Variants in PDCD11 observed in about 807,000 individuals in gnomAD.
PDCD11 encodes protein RRP5 homolog.
In PDCD11, 97 loss-of-function variants were observed where a neutral mutation model predicts 198.9. The observed-to-expected ratio is 0.49, with a 90% CI of 0.41 to 0.58. The LOEUF is 0.58. Ranked by LOEUF, PDCD11 falls within the 20% of genes least tolerant of loss-of-function variation. The pLI is 0.00. For missense variants in PDCD11, 2,102 were observed against 2,312.7 expected (o/e 0.91, Z 1.87); for synonymous variants, 893 against 918.0 (o/e 0.97, Z 0.49).
intron 3 of PDCD11, among the ~76,000 whole-genome samples, chr10:103,401,372 A>G (rs757629007): frequency 2.6e-5 from 4 of 151,036 alleles, no homozygotes; most frequent in Non-Finnish European, 5.9e-5. Flanking sequence ...TCCCGGGTTC[A>G]AGCGATTCTC....
At chr10:103,417,560 T>C (rs534775433) in intron 13 of PDCD11, among the ~76,000 whole-genome samples, 1 of 152,356 alleles carries the variant, frequency 6.6e-6, no homozygotes, top group East Asian at 1.9e-4. Flanking sequence ...AGAAAAATAA[T>C]TTTTAAGACT....
intron 21 of PDCD11, among the ~76,000 whole-genome samples, chr10:103,428,314 A>C (rs2031786564): frequency 6.6e-6 from 1 of 151,778 alleles, no homozygotes; most frequent in African/African-American, 2.4e-5. Flanking sequence ...CAAAAGAAAA[A>C]AAAAAAACAC....
At chr10:103,431,762 C>T (rs778393322) in intron 21 of PDCD11, among the ~76,000 whole-genome samples, 1 of 152,102 alleles carries the variant, frequency 6.6e-6, no homozygotes, top group African/African-American at 2.4e-5. Flanking sequence ...TAATATCTCC[C>T]CTGCTGAACT....
intron 7 of PDCD11, among the ~76,000 whole-genome samples, chr10:103,409,390 A>G (rs1158428303): frequency 6.6e-6 from 1 of 151,372 alleles, no homozygotes; most frequent in Non-Finnish European, 1.5e-5. Flanking sequence ...TCCAGTTGTC[A>G]GGCTGGCAGT....
chr10:103,439,884 TTC>T lies in PDCD11; in HGVS notation c.4148+28_4148+29del, dbSNP rs374419650. On this transcript the variant is annotated intron_variant, in intron 28 of 35. Transcript: ENST00000369797. Reference sequence around the variant, plus strand: ...GGGTCCTACGGTAGGTGCCTTCCCGTTCTCTCTCTCTCTGTAATGTGAATCAA... The same window carrying T: ...GGGTCCTACGGTAGGTGCCTTCCCGTTCTCTCTCTCTGTAATGTGAATCAA... 3.9e-4 allele frequency: 624 copies of T among 1,597,486 alleles called. 1 individual carries two copies. Among genetic ancestry groups the T allele is most frequent in the Admixed American group, 4.4e-4 (26 of 59,578 alleles).
intron 2 of PDCD11, 140 bp from the exon 3 acceptor site, chr10:103,400,253 TAAAG>T (rs2029932784): frequency 4.6e-6 from 1 of 219,026 alleles, no homozygotes; most frequent in Non-Finnish European, 8.2e-6. Context: ...AAGCAAGAAT[TAAAG>T]GAACAATTGG....
chr10:103,410,150 G>A (rs914489877), intron 8 of PDCD11, among the ~76,000 whole-genome samples: 1 of 151,882 alleles, frequency 6.6e-6, no homozygotes, highest in Non-Finnish European at 1.5e-5. Context: ...CAGGAGAATC[G>A]CTTGAACCCG....
intron 17 of PDCD11, among the ~76,000 whole-genome samples, chr10:103,422,055 T>A (rs1222505307): frequency 7.8e-6 from 1 of 127,478 alleles, no homozygotes; most frequent in Non-Finnish European, 1.6e-5. Flanking sequence ...AGTGCACAAT[T>A]TTATTATTAT....
chr10:103,429,615 A>T (rs1223370580), intron 21 of PDCD11, among the ~76,000 whole-genome samples: 1 of 151,974 alleles, frequency 6.6e-6, no homozygotes. Context: ...GTAATTTTTT[A>T]CAGTAAAAAA....
At chr10:103,400,657 G>A (rs369537801) in intron 3 of PDCD11, 129 bp downstream of exon 3, 35 of 903,252 alleles carry the variant, frequency 3.9e-5, no homozygotes, top group Admixed American at 2.0e-4. Flanking sequence ...TATTTCATGC[G>A]TGTGTGTGTA....
chr10:103,396,961 C>T (rs1477387602), intron 1 of PDCD11, among the ~76,000 whole-genome samples: 1 of 152,160 alleles, frequency 6.6e-6, no homozygotes, highest in Non-Finnish European at 1.5e-5. Flanking sequence ...CTCAGTTTCC[C>T]CTTGCTTGAA....
chr10:103,444,990 C>T lies in PDCD11; in HGVS notation c.5444+308C>T, dbSNP rs747299655. ...GGCATTCTCTTGCTTTTGACCCCAGCGTCTCCACAAGACAGGGAGGGTTTA... is the reference window on the plus strand; with the variant it reads ...GGCATTCTCTTGCTTTTGACCCCAGTGTCTCCACAAGACAGGGAGGGTTTA... On this transcript the variant is annotated intron_variant, in intron 35 of 35. Transcript: ENST00000369797. Among the ~76,000 whole-genome samples the T allele has an allele frequency of 3.9e-5, 6 of 152,224 alleles. No homozygotes were observed. The East Asian group carries it at 5.8e-4, about 15-fold the overall frequency.
rs2030220536 is a variant in PDCD11, at chr10:103,403,181, ATT to A, written c.299_300del (p.Ile100LysfsTer14). On this transcript the variant is annotated frameshift_variant, in exon 4 of 36. Coordinates refer to ENST00000369797, the MANE Select transcript of PDCD11 (RefSeq NM_014976.2). LOFTEE classifies it high-confidence loss of function. The part of the protein sequence containing the change: ...VKEVNELELV[I>X]SLPNGLQGFV... ...AGAGGTGAATGAACTGGAACTGGTG[ATT>A]AGTCTCCCCAATGGCCTCCAGGGCT... is the stretch of plus-strand genomic sequence containing the variant. The A allele has an allele frequency of 6.2e-7, 1 of 1,614,054 alleles. No homozygotes were observed. The highest frequency in any genetic ancestry group is 1.1e-5 in the South Asian group (1 of 91,094).
intron 24 of PDCD11, 199 bp from the exon 25 acceptor site, chr10:103,434,599 G>A: frequency 1.7e-6 from 1 of 590,244 alleles, no homozygotes; most frequent in Non-Finnish European, 3.0e-6. Context: ...AAGTCCCTGG[G>A]AAAGAGTTGT....
At chr10:103,409,175 A>G (rs989216489) in intron 7 of PDCD11, among the ~76,000 whole-genome samples, 3 of 152,196 alleles carry the variant, frequency 2.0e-5, no homozygotes, top group African/African-American at 7.2e-5. Context: ...CGGGAAGGTA[A>G]GAGAGAGGTC....
chr10:103,414,929 T>C, intron 11 of PDCD11, 76 bp from the exon 12 acceptor site: 1 of 1,531,366 alleles, frequency 6.5e-7, no homozygotes. Flanking sequence ...AGGGGAGGTA[T>C]GACATGCCTT....
At chr10:103,411,114 G>A (rs1217603396) in intron 8 of PDCD11, among the ~76,000 whole-genome samples, 2 of 150,978 alleles carry the variant, frequency 1.3e-5, no homozygotes, top group Admixed American at 1.3e-4. Context: ...GCGAGGTCTC[G>A]CCATGTTGCC....
intron 17 of PDCD11, among the ~76,000 whole-genome samples, chr10:103,421,810 A>C (rs1315254470): frequency 6.7e-6 from 1 of 150,230 alleles, no homozygotes; most frequent in Non-Finnish European, 1.5e-5. Flanking sequence ...TAAAAATACA[A>C]AAAAAAATTA....
In PDCD11 at chr10:103,421,390, G is replaced by T. The variant is rs146059944; in HGVS notation, c.2320G>T (p.Val774Phe). 4.2e-5 allele frequency: 68 copies of T among 1,610,068 alleles called. No homozygotes were observed. The highest frequency in any genetic ancestry group is 5.7e-5 in the Non-Finnish European group (67 of 1,178,248). ...TGTGACCTCCACAAGTGACCACTTT[G>T]TTGAGGGCCAGACAGTAGCGGCAAA... ...KFVTSTSDHF[V>F]EGQTVAAKVT... Residue 774 changes from valine to phenylalanine, a missense_variant, in exon 17 of 36, where the codon GTT (valine) becomes TTT (phenylalanine). Physicochemically the swap from Val to Phe is conservative, Grantham distance 50. Coordinates refer to ENST00000369797, the MANE Select transcript of PDCD11 (RefSeq NM_014976.2).
Sources: gnomAD v4.1 joint callset for allele counts (sites outside exome capture counted in the v4.1 genomes callset) on GRCh38, gnomAD v4.1.1 for gene constraint, MANE v1.5 for transcripts, NCBI Gene and HGNC (gene_info 2026-07-23, HGNC 2026-07-21) for gene names.